Variants in KLHL1 observed in about 807,000 individuals in gnomAD.
The protein encoded by KLHL1 is kelch like family member 1, also known as kelch-like protein 1.
KLHL1 carries 47 observed loss-of-function variants against 77.7 expected under a neutral mutation model. The observed-to-expected ratio is 0.60, with a 90% CI of 0.48 to 0.77. The LOEUF (loss-of-function observed/expected upper bound fraction) is 0.77. Ranked by LOEUF, KLHL1 falls within the 30% of genes least tolerant of loss-of-function variation. The pLI, the probability that KLHL1 is intolerant of heterozygous loss-of-function variation, is 0.00. For synonymous variants in KLHL1, 360 were observed against 325.2 expected, an observed-to-expected ratio of 1.11 and a Z score of -1.15; for missense variants, 925 against 910.8, an observed-to-expected ratio of 1.02 and a Z score of -0.20.
chr13:69,837,521 A>T (rs1879048687), intron 6 of KLHL1, among the ~76,000 whole-genome samples: 1 of 150,420 alleles, frequency 6.6e-6, no homozygotes, highest in Non-Finnish European at 1.5e-5. Context: ...TGTCCGAGAG[A>T]GGAAATTGAA....
rs138120844 is a variant in KLHL1 at position 69,854,220 on chromosome 13, G to T, written c.1228-15058C>A. On this transcript the variant is annotated intron_variant, in intron 5 of 10. Coordinates refer to ENST00000377844, the MANE Select transcript of KLHL1 (RefSeq NM_020866.3). ...AGAGGTTTATTTGGCTCATAGTTCT[G>T]CAGGCTGTACAAGAAGCATGGCACC... 7.8e-4 allele frequency among the ~76,000 whole-genome samples: 119 copies of T among 152,114 alleles called. 2 individuals are homozygous for T. The highest frequency in any genetic ancestry group is 2.8e-3 in the African/African-American group (117 of 41,548).
chr13:69,935,677 A>G (rs1375336012), intron 4 of KLHL1, among the ~76,000 whole-genome samples: 1 of 152,132 alleles, frequency 6.6e-6, no homozygotes, highest in East Asian at 1.9e-4. Context: ...AGACTCCACA[A>G]GTGAAGTTAT....
intron 5 of KLHL1, among the ~76,000 whole-genome samples, chr13:69,861,896 C>T (rs1447046197): frequency 6.7e-6 from 1 of 149,984 alleles, no homozygotes; most frequent in African/African-American, 2.5e-5. Flanking sequence ...ACCTGGGAGG[C>T]GGAGGTTGTG....
intron 7 of KLHL1, among the ~76,000 whole-genome samples, chr13:69,749,134 G>T (rs747587507): frequency 6.6e-5 from 10 of 151,772 alleles, no homozygotes; most frequent in Admixed American, 2.0e-4. Context: ...TTGCAGAATG[G>T]GCTCATTAGG....
chr13:69,833,882 T>A (rs945118503), intron 6 of KLHL1, among the ~76,000 whole-genome samples: 1 of 150,298 alleles, frequency 6.7e-6, no homozygotes, highest in African/African-American at 2.5e-5. Context: ...CACACACATA[T>A]GCCATGGAAT....
intron 4 of KLHL1, among the ~76,000 whole-genome samples, chr13:69,903,225 C>A (rs528953151): frequency 5.5e-4 from 84 of 152,214 alleles, no homozygotes; most frequent in African/African-American, 2.0e-3. Flanking sequence ...GAAGCCAAAC[C>A]ATTTCCTACT....
At chr13:69,772,439 T>TG (rs1875618111) in intron 7 of KLHL1, among the ~76,000 whole-genome samples, 1 of 152,048 alleles carries the variant, frequency 6.6e-6, no homozygotes, top group African/African-American at 2.4e-5. Flanking sequence ...ATTTGACAAT[T>TG]TTTTTCTATT....
chr13:70,042,110 C>T (rs1379124717), intron 1 of KLHL1, among the ~76,000 whole-genome samples: 1 of 151,946 alleles, frequency 6.6e-6, no homozygotes, highest in African/African-American at 2.4e-5. Context: ...GTTGGCATTT[C>T]TATGTTAGTG....
intron 4 of KLHL1, among the ~76,000 whole-genome samples, chr13:69,927,505 C>G (rs929322562): frequency 6.6e-6 from 1 of 152,072 alleles, no homozygotes; most frequent in Non-Finnish European, 1.5e-5. Context: ...GTTTGCAAAT[C>G]ATATAGTTGA....
At chr13:69,776,505 G>T (rs952700765) in intron 7 of KLHL1, among the ~76,000 whole-genome samples, 1 of 152,070 alleles carries the variant, frequency 6.6e-6, no homozygotes, top group East Asian at 1.9e-4. Flanking sequence ...TACCCTCTAG[G>T]TTTTAATATC....
rs370439807 is a variant in KLHL1 at position 69,808,115 on chromosome 13, A to G, written c.1415-11153T>C. ...CACTGAAGCCCAGGAATGGATATGG[A>G]AAGCGGGTCACCTCTTTCCCCCCAC... On this transcript the variant is annotated intron_variant, in intron 6 of 10. Coordinates refer to ENST00000377844, the MANE Select transcript of KLHL1 (RefSeq NM_020866.3). Among the ~76,000 whole-genome samples, 18 of 152,152 alleles carry G rather than the reference A, an allele frequency of 1.2e-4. No homozygotes were observed. The East Asian group carries it at 1.9e-3, about 16-fold the overall frequency.
chr13:69,726,072 ATAGT>A (rs1873286148), intron 8 of KLHL1, among the ~76,000 whole-genome samples: 1 of 152,116 alleles, frequency 6.6e-6, no homozygotes, highest in Non-Finnish European at 1.5e-5. Flanking sequence ...TATCCTATGT[ATAGT>A]TATTTACAAT....
intron 3 of KLHL1, among the ~76,000 whole-genome samples, chr13:69,958,862 T>C (rs1016337747): frequency 2.0e-5 from 3 of 152,016 alleles, no homozygotes; most frequent in African/African-American, 4.8e-5. Flanking sequence ...GTCTTAGATA[T>C]CTGTCAGCTG....
chr13:69,938,527 T>C (rs77236756), intron 4 of KLHL1, among the ~76,000 whole-genome samples: 2,794 of 152,172 alleles, frequency 0.018, 36 homozygotes, highest in Middle Eastern at 0.054. Flanking sequence ...AATTAATAAT[T>C]TGCAACTAGA....
At chr13:69,882,070 G>T (rs1428644398) in intron 5 of KLHL1, among the ~76,000 whole-genome samples, 1 of 152,076 alleles carries the variant, frequency 6.6e-6, no homozygotes, top group Non-Finnish European at 1.5e-5. Flanking sequence ...AATCTTACAA[G>T]TGGCCATGAG....
chr13:70,055,191 T>C (rs1886715460), intron 1 of KLHL1, among the ~76,000 whole-genome samples: 1 of 151,844 alleles, frequency 6.6e-6, no homozygotes, highest in Non-Finnish European at 1.5e-5. Flanking sequence ...GGAGGAAACA[T>C]AAAAAGGAGC....
At chr13:69,758,376 A>T (rs1209448097) in intron 7 of KLHL1, among the ~76,000 whole-genome samples, 1 of 151,974 alleles carries the variant, frequency 6.6e-6, no homozygotes, top group East Asian at 1.9e-4. Context: ...AGTTCTTATA[A>T]TTTTTTTCTG....
At position 69,701,051 on chromosome 13, in the gene KLHL1, T is replaced by C. The variant is rs760828508; in HGVS notation, c.*651A>G. On this transcript the variant is annotated 3_prime_UTR_variant, in exon 11 of 11. Coordinates refer to ENST00000377844, the MANE Select transcript of KLHL1 (RefSeq NM_020866.3). ...GTGTTTGCCAGTTTCAGATTGCCAA[T>C]ATGGTTGCAATAAAATTCAACCATT... 6.6e-6 allele frequency: 1 copy of C among 152,324 alleles called. No homozygotes were observed. Among genetic ancestry groups the C allele is most frequent in the African/African-American group, 2.4e-5 (1 of 41,430 alleles). The allele number at this position is 152,324 out of a possible 1,614,324, so 9.4% of individuals were successfully genotyped here.
intron 1 of KLHL1, among the ~76,000 whole-genome samples, chr13:70,027,956 C>A (rs536679527): frequency 6.6e-5 from 10 of 152,190 alleles, no homozygotes; most frequent in African/African-American, 2.4e-4. Context: ...TTTGAGAGGC[C>A]AAACATATTT....
Sources: allele counts gnomAD v4.1 joint callset (sites outside exome capture counted in the v4.1 genomes callset), GRCh38; gene constraint gnomAD v4.1.1; transcripts MANE v1.5; gene names NCBI Gene and HGNC (gene_info 2026-07-23, HGNC 2026-07-21).